ATXN2: variants seen among roughly 807,000 people sequenced by gnomAD.
The protein encoded by ATXN2 is ataxin 2.
ATXN2 carries 37 observed loss-of-function variants against 138.6 expected under a neutral mutation model. That is an observed-to-expected ratio of 0.27 (90% confidence interval 0.21 to 0.35). ATXN2 has a LOEUF of 0.35. Among genes scored for constraint, ATXN2 ranks in the 10% least tolerant of loss-of-function variants. The pLI is 1.00. For synonymous variants in ATXN2, 549 were observed against 543.7 expected (o/e 1.01, Z -0.13); for missense variants, 1,216 against 1,480.3 (o/e 0.82, Z 2.93).
chr12:111,552,619 GTTTT>G lies in ATXN2; in HGVS notation c.421-193_421-190del. The G allele has an allele frequency of 1.5e-6, 1 of 652,276 alleles. No homozygotes were observed. The highest frequency in any genetic ancestry group is 2.4e-6 in the Non-Finnish European group (1 of 417,028). 40.4% of individuals were successfully genotyped at this position (652,276 alleles called of 1,614,324 possible). ...CATTTAAAAATCCTCATATCTAAAT[GTTTT>G]TTGTTTCTATGGTTTGTCTTAAGTA... On this transcript the variant is annotated intron_variant, in intron 4 of 24. Coordinates refer to ENST00000673436, the MANE Select transcript of ATXN2 (RefSeq NM_001372574.1). This position sits in a 1 kb window ranked among gnomAD's most constrained non-coding sequence, Gnocchi z 4.1.
chr12:111,597,458 G>C (rs1428175425), intron 1 of ATXN2, among the ~76,000 whole-genome samples: 2 of 152,336 alleles, frequency 1.3e-5, no homozygotes, highest in Non-Finnish European at 2.9e-5. Context: ...GGATGGACTT[G>C]AGGCACAAGG....
chr12:111,568,122 G>C (rs900640541), intron 1 of ATXN2, among the ~76,000 whole-genome samples: 1 of 151,866 alleles, frequency 6.6e-6, no homozygotes, highest in African/African-American at 2.4e-5. Flanking sequence ...TTAGCCGGGC[G>C]TGGTGGCACA....
intron 24 of ATXN2, 128 bp from the exon 25 acceptor site, chr12:111,452,968 T>C: frequency 9.0e-7 from 1 of 1,116,914 alleles, no homozygotes; most frequent in African/African-American, 1.7e-5. Context: ...TGAATTCGCT[T>C]TTCCCCCTCC....
chr12:111,594,244 T>A (rs545139677), intron 1 of ATXN2, among the ~76,000 whole-genome samples: 54 of 152,326 alleles, frequency 3.5e-4, no homozygotes, highest in African/African-American at 1.3e-3. Flanking sequence ...AACGTAGATA[T>A]TTTAGGCCCT....
intron 1 of ATXN2, among the ~76,000 whole-genome samples, chr12:111,591,766 T>A (rs1884675550): frequency 6.6e-6 from 1 of 152,208 alleles, no homozygotes; most frequent in Non-Finnish European, 1.5e-5. Flanking sequence ...TTTGTTGTTG[T>A]TGTTGTTGTT....
chr12:111,522,228 T>TAAAAAAAAAAA (rs35035921), intron 6 of ATXN2, among the ~76,000 whole-genome samples: 1 of 108,138 alleles, frequency 9.2e-6, no homozygotes, highest in Non-Finnish European at 2.3e-5. Flanking sequence ...ATGCCCTACA[T>TAAAAAAAAAAA]AAAAAAAAAA....
At chr12:111,594,861 C>T (rs1884854118) in intron 1 of ATXN2, among the ~76,000 whole-genome samples, 1 of 152,162 alleles carries the variant, frequency 6.6e-6, no homozygotes, top group Non-Finnish European at 1.5e-5. Flanking sequence ...GAATTTCATT[C>T]CTGCACTTTA....
intron 16 of ATXN2, among the ~76,000 whole-genome samples, chr12:111,486,167 T>A (rs1422053896): frequency 6.6e-6 from 1 of 152,210 alleles, no homozygotes; most frequent in East Asian, 1.9e-4. Context: ...AGTCGAATAA[T>A]AACAATAGTA....
intron 14 of ATXN2, among the ~76,000 whole-genome samples, chr12:111,493,886 C>T (rs1878221677): frequency 6.6e-6 from 1 of 152,034 alleles, no homozygotes. Context: ...CCTTTGCCTT[C>T]CAAAGTGCTG....
Position 111,453,953 on chromosome 12 carries a change from G to T in ATXN2, c.3271-108C>A. 9.1e-7 allele frequency: 1 copy of T among 1,095,890 alleles called. No homozygotes were observed. 67.9% of individuals were successfully genotyped at this position (1,095,890 alleles called of 1,614,324 possible). ...GGACTCTCAGGAAAGGGCAACGGTG[G>T]GCCTCAGGGCCCAGTTCTGTTCTCT... On this transcript the variant is annotated intron_variant, in intron 23 of 24. Coordinates refer to ENST00000673436, the MANE Select transcript of ATXN2 (RefSeq NM_001372574.1). This position sits in a 1 kb window ranked among gnomAD's most constrained non-coding sequence, Gnocchi z 5.4.
upstream of ATXN2, chr12:111,599,405 C>T: frequency 1.7e-6 from 2 of 1,170,320 alleles, no homozygotes; most frequent in South Asian, 4.2e-5. Flanking sequence ...CCGCCCGCTC[C>T]GCCGCGCCGG....
intron 21 of ATXN2, among the ~76,000 whole-genome samples, chr12:111,463,409 C>CT (rs1237770615): frequency 1.3e-5 from 2 of 152,108 alleles, no homozygotes; most frequent in African/African-American, 4.8e-5. Context: ...ACTCTTGTGC[C>CT]TCCGCCTCCC....
In ATXN2 at chr12:111,599,233, G is replaced by T. The variant is rs1163671617; in HGVS notation, c.-199C>A. The T allele has an allele frequency of 1.7e-6, 2 of 1,198,130 alleles. No individual in the cohort carries two copies. The highest frequency in any genetic ancestry group is 3.2e-5 in the African/African-American group (2 of 62,364). The allele number at this position is 1,198,130 out of a possible 1,614,324, so 74.2% of individuals were successfully genotyped here. ...GGCGGGGAGGCCCGCCGAGACCAAG[G>T]AGCCGCCGGGAGCCGGGCCGAAACG... On this transcript the variant is annotated 5_prime_UTR_variant, in exon 1 of 25. Coordinates refer to ENST00000673436, the MANE Select transcript of ATXN2 (RefSeq NM_001372574.1).
At chr12:111,556,868 A>T (rs1462265479) in intron 1 of ATXN2, among the ~76,000 whole-genome samples, 1 of 152,022 alleles carries the variant, frequency 6.6e-6, no homozygotes, top group Non-Finnish European at 1.5e-5. Flanking sequence ...TGCAGAAAAA[A>T]AAAAACTGAA....
intron 5 of ATXN2, among the ~76,000 whole-genome samples, chr12:111,531,965 G>A (rs1240218351): frequency 1.3e-5 from 2 of 152,204 alleles, no homozygotes; most frequent in Non-Finnish European, 2.9e-5. Flanking sequence ...TGTTGGCATA[G>A]TAACATACAT....
At chr12:111,504,805 CCT>C (rs923272683) in intron 14 of ATXN2, among the ~76,000 whole-genome samples, 2 of 152,010 alleles carry the variant, frequency 1.3e-5, no homozygotes, top group Admixed American at 6.6e-5. Context: ...TCTCCTATGA[CCT>C]TTTTTAATTT....
chr12:111,485,149 G>C (rs1039415076), intron 18 of ATXN2, 116 bp downstream of exon 18: 5 of 911,908 alleles, frequency 5.5e-6, no homozygotes, highest in Non-Finnish European at 8.6e-6. Flanking sequence ...AAAAGCCAAT[G>C]CATAGCCTCA....
intron 19 of ATXN2, 52 bp downstream of exon 19, chr12:111,470,504 TAA>T: frequency 7.0e-6 from 11 of 1,576,810 alleles, no homozygotes; most frequent in Non-Finnish European, 9.6e-6. Flanking sequence ...TTTACCATAT[TAA>T]AAGTTTTTTT....
chr12:111,597,366 T>C (rs1448181004), intron 1 of ATXN2, among the ~76,000 whole-genome samples: 1 of 152,206 alleles, frequency 6.6e-6, no homozygotes, highest in East Asian at 1.9e-4. Context: ...AAGCCCAAGA[T>C]GCCTATTTAA....
Sources: allele counts gnomAD v4.1 joint callset (sites outside exome capture counted in the v4.1 genomes callset), GRCh38; gene constraint gnomAD v4.1.1; non-coding constraint Gnocchi (gnomAD v3.1); transcripts MANE v1.5; gene names NCBI Gene and HGNC (gene_info 2026-07-23, HGNC 2026-07-21).